VPS26C: variants seen among roughly 807,000 people sequenced by gnomAD.
VPS26C encodes the protein vacuolar protein sorting-associated protein 26C.
Under a neutral mutation model 30.6 loss-of-function variants are expected in VPS26C, and 19 were observed. The observed-to-expected ratio is 0.62, with a 90% CI of 0.43 to 0.91. The LOEUF (loss-of-function observed/expected upper bound fraction) is 0.91, where lower values mean the gene tolerates loss of function less well. VPS26C is among the 40% of genes least tolerant of loss of function. VPS26C has a pLI of 0.00. For synonymous variants in VPS26C, 132 were observed against 151.5 expected (o/e 0.87, Z 0.95); for missense variants, 318 against 385.1 (o/e 0.83, Z 1.46).
intron 4 of VPS26C, 53 bp from the exon 5 acceptor site, chr21:37,232,504 G>A: frequency 3.4e-6 from 5 of 1,452,152 alleles, no homozygotes; most frequent in Non-Finnish European, 2.9e-6. Context: ...GAGTTCTGCA[G>A]GTCAAATAGC....
intron 1 of VPS26C, among the ~76,000 whole-genome samples, chr21:37,250,143 A>G (rs1168281727): frequency 6.6e-6 from 1 of 152,118 alleles, no homozygotes; most frequent in Non-Finnish European, 1.5e-5. Context: ...TTCTCTACTA[A>G]AAATACAAAA....
chr21:37,257,963 G>A lies in VPS26C; in HGVS notation c.57+9275C>T, dbSNP rs1490525786. Among the ~76,000 whole-genome samples, 1 of 152,240 alleles carries A rather than the reference G, an allele frequency of 6.6e-6. No homozygotes were observed. Among genetic ancestry groups the A allele is most frequent in the Non-Finnish European group, 1.5e-5 (1 of 68,046 alleles). Reference sequence around the variant, plus strand: ...ACCAGCCGGCAGCGCCCACCAGCCTGCGCTGCGCTGCACATGGTACCCGCG... The same window carrying A: ...ACCAGCCGGCAGCGCCCACCAGCCTACGCTGCGCTGCACATGGTACCCGCG... On this transcript the variant is annotated intron_variant, in intron 1 of 7. Coordinates refer to ENST00000309117, the MANE Select transcript of VPS26C (RefSeq NM_006052.2). The surrounding 1 kb of genome is among the most constrained non-coding windows in gnomAD (Gnocchi z 4.2).
chr21:37,259,144 C>T (rs1265492800), intron 1 of VPS26C, among the ~76,000 whole-genome samples: 3 of 151,926 alleles, frequency 2.0e-5, no homozygotes, highest in African/African-American at 7.3e-5. Flanking sequence ...AACAAGCATT[C>T]ACTGTTACAA....
rs1388607766 is a variant in VPS26C at position 37,226,230 on chromosome 21, C to T, written c.812-604G>A. ...TGAAGAGGAAGCACCTGACGACAAACAAGCACCATCTCCTTCCCCAGTGTG... is the reference window on the plus strand; with the variant it reads ...TGAAGAGGAAGCACCTGACGACAAATAAGCACCATCTCCTTCCCCAGTGTG... On this transcript the variant is annotated intron_variant, in intron 7 of 7. Coordinates refer to ENST00000309117, the MANE Select transcript of VPS26C (RefSeq NM_006052.2). This position sits in a 1 kb window ranked among gnomAD's most constrained non-coding sequence, Gnocchi z 4.1. 1 of 153,898 alleles carries T rather than the reference C, an allele frequency of 6.5e-6. No individual in the cohort carries two copies. The highest frequency in any genetic ancestry group is 1.4e-5 in the Non-Finnish European group (1 of 69,094). 9.5% of individuals were successfully genotyped at this position (153,898 alleles called of 1,614,324 possible).
chr21:37,244,914 C>A (rs1474249755), intron 1 of VPS26C, among the ~76,000 whole-genome samples: 1 of 152,222 alleles, frequency 6.6e-6, no homozygotes, highest in Non-Finnish European at 1.5e-5. Context: ...TGTCAACCCG[C>A]CCCATGCTGG....
At chr21:37,234,299 G>GCAT (rs2085997215) in intron 3 of VPS26C, among the ~76,000 whole-genome samples, 1 of 152,224 alleles carries the variant, frequency 6.6e-6, no homozygotes, top group South Asian at 2.1e-4. Flanking sequence ...AAACAATGTA[G>GCAT]CATCGCACTT....
chr21:37,255,094 A>G (rs2086229383), intron 1 of VPS26C, among the ~76,000 whole-genome samples: 1 of 152,210 alleles, frequency 6.6e-6, no homozygotes, highest in African/African-American at 2.4e-5. Flanking sequence ...TATATTTTCA[A>G]TTTACAAAAT....
At chr21:37,235,877 ATATTTT>A (rs1176959550) in intron 3 of VPS26C, among the ~76,000 whole-genome samples, 14 of 35,938 alleles carry the variant, frequency 3.9e-4, no homozygotes, top group Middle Eastern at 0.012. Context: ...ATATATATAT[ATATTTT>A]TTTTTTTAAT....
chr21:37,225,454 A>G lies in VPS26C; in HGVS notation c.*90T>C, dbSNP rs2085888740. ...ACAGAATAATCACAAAAACAAGTAT[A>G]TGCCGCTGGCTGTAGCTCCCCTTAG... On this transcript the variant is annotated 3_prime_UTR_variant, in exon 8 of 8. Coordinates refer to ENST00000309117, the MANE Select transcript of VPS26C (RefSeq NM_006052.2). 11 of 1,091,756 alleles carry G rather than the reference A, an allele frequency of 1.0e-5. No homozygotes were observed. Among genetic ancestry groups the G allele is most frequent in the East Asian group, 2.4e-5 (1 of 41,650 alleles). The allele number at this position is 1,091,756 out of a possible 1,614,324, so 67.6% of individuals were successfully genotyped here.
intron 1 of VPS26C, among the ~76,000 whole-genome samples, chr21:37,247,305 C>T (rs1417301150): frequency 2.6e-5 from 4 of 151,498 alleles, no homozygotes; most frequent in African/African-American, 7.3e-5. Flanking sequence ...TAAACAACGA[C>T]GAATACTATA....
At chr21:37,249,662 T>G (rs1212428575) in intron 1 of VPS26C, among the ~76,000 whole-genome samples, 1 of 152,204 alleles carries the variant, frequency 6.6e-6, no homozygotes, top group Non-Finnish European at 1.5e-5. Flanking sequence ...CAACCTAATC[T>G]TAAAAGAAAA....
intron 1 of VPS26C, among the ~76,000 whole-genome samples, chr21:37,245,790 G>A (rs561803360): frequency 3.9e-5 from 6 of 152,270 alleles, no homozygotes; most frequent in Non-Finnish European, 7.3e-5. Flanking sequence ...TGTAAAGTCC[G>A]ATGAGACAAT....
rs113018331 is a variant in VPS26C at position 37,257,003 on chromosome 21, G to A, written c.57+10235C>T. ...AAAAATTAGCCAAGCGTGGTAGCAC[G>A]CACCTGTAATCCCAGCTACTCGGGA... is the stretch of plus-strand genomic sequence containing the variant. On this transcript the variant is annotated intron_variant, in intron 1 of 7. Coordinates refer to ENST00000309117, the MANE Select transcript of VPS26C (RefSeq NM_006052.2). The surrounding 1 kb of genome is among the most constrained non-coding windows in gnomAD (Gnocchi z 4.2). 6.2e-4 allele frequency among the ~76,000 whole-genome samples: 94 copies of A among 152,108 alleles called. No individual in the cohort carries two copies. Among genetic ancestry groups the A allele is most frequent in the African/African-American group, 2.1e-3 (86 of 41,486 alleles).
At chr21:37,250,792 C>T (rs768159219) in intron 1 of VPS26C, among the ~76,000 whole-genome samples, 6 of 149,524 alleles carry the variant, frequency 4.0e-5, no homozygotes, top group South Asian at 4.3e-4. Flanking sequence ...CCCAGCTACT[C>T]GGGAGGCTGA....
chr21:37,241,672 AT>A (rs2086089215), intron 1 of VPS26C, among the ~76,000 whole-genome samples: 1 of 152,146 alleles, frequency 6.6e-6, no homozygotes, highest in South Asian at 2.1e-4. Flanking sequence ...AAGAAAAAAA[AT>A]TAGCTGAGTG....
chr21:37,237,364 A>G (rs931605099), intron 3 of VPS26C: 1 of 152,248 alleles, frequency 6.6e-6, no homozygotes, highest in Non-Finnish European at 1.5e-5. Context: ...TCAATGTTCA[A>G]GATATCTTCA....
rs1323377298 is a variant in VPS26C at position 37,233,537 on chromosome 21, T to C, written c.352-95A>G. ...AAGAGACAAGTCAGTCAACATATTT[T>C]AGGGAAATGTTGTACAATCAGTGCA... On this transcript the variant is annotated intron_variant, in intron 3 of 7. Transcript: ENST00000309117. The surrounding 1 kb of genome is among the most constrained non-coding windows in gnomAD (Gnocchi z 5.2). 1.1e-6 allele frequency: 1 copy of C among 883,158 alleles called. No homozygotes were observed. Among genetic ancestry groups the C allele is most frequent in the Admixed American group, 1.9e-5 (1 of 52,718 alleles). 54.7% of individuals were successfully genotyped at this position (883,158 alleles called of 1,614,324 possible). A position where few individuals can be genotyped will look rare whatever the true frequency, so the allele number is the denominator to read the frequency against.
chr21:37,257,348 C>G lies in VPS26C; in HGVS notation c.57+9890G>C, dbSNP rs2086253916. Among the ~76,000 whole-genome samples the G allele has an allele frequency of 6.6e-6, 1 of 151,960 alleles. No homozygotes were observed. Among genetic ancestry groups the G allele is most frequent in the African/African-American group, 2.4e-5 (1 of 41,354 alleles). ...TGAGGCCGTAGCGGCTTCTCGTGGG[C>G]GAGTCCCTGTTCGCAGGTGACGTGT... On this transcript the variant is annotated intron_variant, in intron 1 of 7. Coordinates refer to ENST00000309117, the MANE Select transcript of VPS26C (RefSeq NM_006052.2). The surrounding 1 kb of genome is among the most constrained non-coding windows in gnomAD (Gnocchi z 4.2).
intron 1 of VPS26C, among the ~76,000 whole-genome samples, chr21:37,254,474 G>T (rs1237272554): frequency 6.6e-6 from 1 of 152,080 alleles, no homozygotes; most frequent in Non-Finnish European, 1.5e-5. Context: ...TCCAGCCTGC[G>T]TAACAGTGCA....
Sources: gnomAD v4.1 joint callset for allele counts (sites outside exome capture counted in the v4.1 genomes callset) on GRCh38, gnomAD v4.1.1 for gene constraint, Gnocchi (gnomAD v3.1) non-coding constraint, MANE v1.5 for transcripts, NCBI Gene and HGNC (gene_info 2026-07-23, HGNC 2026-07-21) for gene names.